CTIF: variants seen among roughly 807,000 people sequenced by gnomAD.
CTIF encodes CBP80/20-dependent translation initiation factor.
Under a neutral mutation model 66.0 loss-of-function variants are expected in CTIF, and 21 were observed. The ratio of observed to expected loss-of-function variants is 0.32; its 90% CI spans 0.23 to 0.46. The LOEUF is 0.46. Among genes scored for constraint, CTIF ranks in the 20% least tolerant of loss-of-function variants. The probability of loss-of-function intolerance (pLI) is 1.00; values close to 1 mark genes in which losing one functional copy is unlikely to be tolerated. For synonymous variants in CTIF, 345 were observed against 326.4 expected (o/e 1.06, Z -0.62); for missense variants, 739 against 812.7 (o/e 0.91, Z 1.10).
At chr18:48,705,742 C>T (rs549382108) in intron 6 of CTIF, among the ~76,000 whole-genome samples, 24 of 152,372 alleles carry the variant, frequency 1.6e-4, no homozygotes, top group African/African-American at 5.0e-4. Context: ...ATCGGCCTGC[C>T]GGGTTGAGGT....
At chr18:48,757,888 G>A (rs1346402100) in intron 7 of CTIF, 31 bp from the exon 8 acceptor site, 18 of 1,589,618 alleles carry the variant, frequency 1.1e-5, no homozygotes, top group East Asian at 6.7e-5. Context: ...CCCAGTGATC[G>A]CCTTCTCTGT....
intron 7 of CTIF, among the ~76,000 whole-genome samples, chr18:48,755,194 G>A (rs1020151828): frequency 6.6e-6 from 1 of 152,218 alleles, no homozygotes; most frequent in Admixed American, 6.5e-5. Flanking sequence ...AATTTCCAAG[G>A]TTCCTCTCTG....
At chr18:48,817,775 CAAAA>C (rs112155073) in intron 10 of CTIF, among the ~76,000 whole-genome samples, 1 of 137,256 alleles carries the variant, frequency 7.3e-6, no homozygotes, top group South Asian at 2.4e-4. Flanking sequence ...ACTCGGTCTC[CAAAA>C]AAAAAAAAAG....
In CTIF at chr18:48,751,806, C is replaced by T. The variant is rs2145822486; in HGVS notation, c.585-6113C>T. Among the ~76,000 whole-genome samples the T allele has an allele frequency of 1.3e-5, 2 of 152,332 alleles. 1 individual carries two copies. The highest frequency in any genetic ancestry group is 4.8e-5 in the African/African-American group (2 of 41,590). On this transcript the variant is annotated intron_variant, in intron 7 of 11. Coordinates refer to ENST00000256413, the MANE Select transcript of CTIF (RefSeq NM_014772.3). Reference sequence around the variant, plus strand: ...AAACACCCTGCCTCCACCCCAACTTCTCTCAGAGGGCTGCAGGAGCTATGT... The same window carrying T: ...AAACACCCTGCCTCCACCCCAACTTTTCTCAGAGGGCTGCAGGAGCTATGT...
chr18:48,776,854 G>A (rs1046867427), intron 9 of CTIF, among the ~76,000 whole-genome samples: 27 of 152,240 alleles, frequency 1.8e-4, no homozygotes, highest in African/African-American at 5.8e-4. Flanking sequence ...TTAAAGGCTC[G>A]GCGTGGGAGG....
At chr18:48,853,169 A>T (rs564564360) in intron 10 of CTIF, among the ~76,000 whole-genome samples, 1 of 152,268 alleles carries the variant, frequency 6.6e-6, no homozygotes, top group East Asian at 1.9e-4. Context: ...AGAGCAGTGG[A>T]CCGACATCGC....
chr18:48,655,298 A>T (rs1196586049), intron 3 of CTIF, among the ~76,000 whole-genome samples: 23 of 24,192 alleles, frequency 9.5e-4, no homozygotes, highest in Admixed American at 2.7e-3. Context: ...GAGCAAGACT[A>T]AAAAAAAAAA....
intron 2 of CTIF, 52 bp downstream of exon 2, chr18:48,619,797 G>A: frequency 7.0e-7 from 1 of 1,436,410 alleles, no homozygotes; most frequent in Non-Finnish European, 9.2e-7. Flanking sequence ...AGGGGGTGAT[G>A]CAGGAGCCCC....
chr18:48,611,562 C>T (rs1342899004), intron 1 of CTIF, among the ~76,000 whole-genome samples: 1 of 152,220 alleles, frequency 6.6e-6, no homozygotes, highest in Non-Finnish European at 1.5e-5. Context: ...TTGTCTATTT[C>T]AAGTGTAGTT....
chr18:48,724,942 A>G (rs2092373290), intron 7 of CTIF, among the ~76,000 whole-genome samples: 1 of 152,230 alleles, frequency 6.6e-6, no homozygotes, highest in Non-Finnish European at 1.5e-5. Flanking sequence ...CAAGGGGAGG[A>G]TTTGGTGGAC....
At chr18:48,671,544 T>G (rs907790906) in intron 6 of CTIF, among the ~76,000 whole-genome samples, 2 of 152,224 alleles carry the variant, frequency 1.3e-5, no homozygotes, top group African/African-American at 4.8e-5. Flanking sequence ...GTTCATGCCT[T>G]GGGCCTATCA....
At chr18:48,554,951 G>A (rs923245778) in intron 1 of CTIF, among the ~76,000 whole-genome samples, 2 of 152,086 alleles carry the variant, frequency 1.3e-5, no homozygotes, top group African/African-American at 2.4e-5. Flanking sequence ...CACACAGAAC[G>A]CATATCCCAT....
chr18:48,644,997 C>T (rs2091000518), intron 3 of CTIF, among the ~76,000 whole-genome samples: 1 of 152,172 alleles, frequency 6.6e-6, no homozygotes, highest in South Asian at 2.1e-4. Context: ...AGGAGGTGAA[C>T]TAGATGTAAG....
At position 48,758,069 on chromosome 18, in the gene CTIF, C is replaced by T. The variant is rs1908570454; in HGVS notation, c.735C>T (p.Ser245=). ...PSGRPTHHGY[S]QNRRWHHGNM... is the part of the protein sequence containing the mutation. ...GGAGGCCCACTCACCATGGCTACAGCCAGAACCGGCGCTGGCACCATGGCA... is the reference window on the plus strand; with the variant it reads ...GGAGGCCCACTCACCATGGCTACAGTCAGAACCGGCGCTGGCACCATGGCA... The change falls in exon 8 of 12, where the codon AGC becomes AGT. Residue 245 remains serine (S), a synonymous_variant. Coordinates refer to ENST00000256413, the MANE Select transcript of CTIF (RefSeq NM_014772.3). 6.2e-7 allele frequency: 1 copy of T among 1,614,096 alleles called. No individual in the cohort carries two copies. The highest frequency in any genetic ancestry group is 1.1e-5 in the South Asian group (1 of 91,072).
At chr18:48,792,832 T>C (rs2146146670) in intron 9 of CTIF, among the ~76,000 whole-genome samples, 1 of 152,200 alleles carries the variant, frequency 6.6e-6, no homozygotes, top group Middle Eastern at 3.4e-3. Context: ...ATTGGACATG[T>C]CATGTTGGAA....
intron 5 of CTIF, among the ~76,000 whole-genome samples, chr18:48,669,794 TA>T (rs1291565947): frequency 2.1e-4 from 4 of 18,878 alleles, no homozygotes; most frequent in South Asian, 1.7e-3. Flanking sequence ...GCTAAACATT[TA>T]TATATATATA....
intron 6 of CTIF, among the ~76,000 whole-genome samples, chr18:48,672,628 T>C (rs1259390529): frequency 6.6e-6 from 1 of 151,926 alleles, no homozygotes; most frequent in Non-Finnish European, 1.5e-5. Flanking sequence ...AGGGCTGGCC[T>C]CCCCTCCCTA....
rs55660829 is a variant in CTIF at position 48,655,789 on chromosome 18, C to T, written c.253-7963C>T. 3.9e-3 allele frequency among the ~76,000 whole-genome samples: 594 copies of T among 152,286 alleles called. 2 individuals are homozygous for T. Among genetic ancestry groups the T allele is most frequent in the African/African-American group, 0.012 (509 of 41,538 alleles). On this transcript the variant is annotated intron_variant, in intron 3 of 11. Transcript: ENST00000256413. ...TAGAATTCTCTAGGGGAAACTTCCC[C>T]CATGACTGTCCCAACAATAGAGAGC...
At position 48,852,233 on chromosome 18, in the gene CTIF, TAAAAAAAAAAAAAAAA is replaced by T. The variant is rs10591389; in HGVS notation, c.1528-5341_1528-5326del. Among the ~76,000 whole-genome samples, 80 of 66,586 alleles carry T rather than the reference TAAAAAAAAAAAAAAAA, an allele frequency of 1.2e-3. 1 individual carries two copies. Among genetic ancestry groups the T allele is most frequent in the Middle Eastern group, 0.013 (1 of 80 alleles). The allele number at this position is 66,586 out of a possible 152,430, so 43.7% of individuals were successfully genotyped here. ...TGGGGGACAGAGTGAGACCCTGTCT[TAAAAAAAAAAAAAAAA>T]AAAAAAAAAAAAAGTTCCAGCAAGA... On this transcript the variant is annotated intron_variant, in intron 10 of 11. Transcript: ENST00000256413.
Sources: allele counts gnomAD v4.1 joint callset (sites outside exome capture counted in the v4.1 genomes callset), GRCh38; gene constraint gnomAD v4.1.1; transcripts MANE v1.5; gene names NCBI Gene and HGNC (gene_info 2026-07-23, HGNC 2026-07-21).